Variants in ALPK3 observed in about 807,000 individuals in gnomAD.
ALPK3 encodes the protein alpha-protein kinase 3.
ALPK3 carries 102 observed loss-of-function variants against 140.0 expected under a neutral mutation model. That is an observed-to-expected ratio of 0.73 (90% CI 0.62 to 0.86). The LOEUF is 0.86. Among genes scored for constraint, ALPK3 ranks in the 40% least tolerant of loss-of-function variants. The probability of loss-of-function intolerance (pLI) is 0.00; values close to 1 mark genes in which losing one functional copy is unlikely to be tolerated. For synonymous variants in ALPK3, 938 were observed against 898.5 expected (o/e 1.04, Z -0.79); for missense variants, 2,254 against 2,208.2 (o/e 1.02, Z -0.42).
Position 84,839,080 on chromosome 15 carries a change from C to T in ALPK3, c.405C>T (p.His135=). 6.2e-7 allele frequency: 1 copy of T among 1,609,208 alleles called. No individual in the cohort carries two copies. The highest frequency in any genetic ancestry group is 8.5e-7 in the Non-Finnish European group (1 of 1,177,580). The change falls in exon 4 of 14, where the codon CAC becomes CAT. Residue 135 remains histidine, a synonymous_variant. Transcript: ENST00000258888. ...KYEITHQGNR[H]TLQLYRCREE... ...AGATCACTCATCAGGGCAACCGCCA[C>T]ACACTGCAGCTGTACAGGTGAGGGA... is the stretch of plus-strand genomic sequence containing the variant.
chr15:84,844,856 C>CA lies in ALPK3; in HGVS notation c.1653+3935dup, dbSNP rs984032572. ...TGGGCAACAGAGCGAGACTCCGTCT[C>CA]AAAAAAAAAAAGGTGGAAAAGACTT... On this transcript the variant is annotated intron_variant, in intron 5 of 13. Transcript: ENST00000258888. 9.4e-4 allele frequency among the ~76,000 whole-genome samples: 131 copies of CA among 139,662 alleles called. 1 individual carries two copies. The highest frequency in any genetic ancestry group is 2.9e-3 in the East Asian group (14 of 4,864). 91.6% of individuals were successfully genotyped at this position (139,662 alleles called of 152,430 possible).
At chr15:84,851,588 C>A (rs1963803011) in intron 5 of ALPK3, among the ~76,000 whole-genome samples, 1 of 152,194 alleles carries the variant, frequency 6.6e-6, no homozygotes, top group African/African-American at 2.4e-5. Flanking sequence ...GTTCTTTGGG[C>A]ATCCTTCCAG....
intron 6 of ALPK3, among the ~76,000 whole-genome samples, 198 bp downstream of exon 6, chr15:84,858,753 G>A (rs1176485801): frequency 6.6e-6 from 1 of 152,228 alleles, no homozygotes; most frequent in Non-Finnish European, 1.5e-5. Context: ...CCACAGAGTG[G>A]AGATAACAGT....
rs1364348923 is a variant in ALPK3 at position 84,840,596 on chromosome 15, CCG to C, written c.1318_1319del (p.Arg440GlyfsTer15). 6.4e-7 allele frequency: 1 copy of C among 1,564,888 alleles called. No individual in the cohort carries two copies. The highest frequency in any genetic ancestry group is 8.6e-7 in the Non-Finnish European group (1 of 1,158,586). On this transcript the variant is annotated frameshift_variant, in exon 5 of 14. Transcript: ENST00000258888. LOFTEE classifies it high-confidence loss of function. ...GEEGPQTLSV[R>X]APGESPKGKA... The stretch of plus-strand genomic sequence containing the variant: ...AAGAGGGACCCCAGACCCTGAGTGT[CCG>C]GGCGCCTGGGGAGAGTCCCAAGGGG...
At chr15:84,848,388 T>C (rs916266535) in intron 5 of ALPK3, among the ~76,000 whole-genome samples, 1 of 152,098 alleles carries the variant, frequency 6.6e-6, no homozygotes. Context: ...TGGTAAAATA[T>C]TGACTCTAAG....
intron 9 of ALPK3, among the ~76,000 whole-genome samples, chr15:84,861,197 T>G (rs573402686): frequency 6.6e-6 from 1 of 152,352 alleles, no homozygotes; most frequent in South Asian, 2.1e-4. Flanking sequence ...TATTTAACAG[T>G]TCCTCCTACT....
At chr15:84,826,272 A>G (rs920384288) in intron 2 of ALPK3, among the ~76,000 whole-genome samples, 4 of 152,168 alleles carry the variant, frequency 2.6e-5, no homozygotes, top group Non-Finnish European at 1.5e-5. Flanking sequence ...TTCTGCTTCC[A>G]CAGACTCTCT....
At position 84,827,665 on chromosome 15, in the gene ALPK3, G is replaced by T. The variant is rs535942669; in HGVS notation, c.304+60G>T. The T allele has an allele frequency of 7.3e-5, 116 of 1,596,704 alleles. No individual in the cohort carries two copies. The African/African-American group carries it at 1.5e-3, about 20-fold the overall frequency. On this transcript the variant is annotated intron_variant, in intron 3 of 13. Transcript: ENST00000258888. ...CTCTGCACAGAGCAGGGTCCAAGGAGGCTGTGAGGACAGGAATGGTGGGGT... is the reference window on the plus strand; with the variant it reads ...CTCTGCACAGAGCAGGGTCCAAGGATGCTGTGAGGACAGGAATGGTGGGGT...
In ALPK3 at chr15:84,856,398, G is replaced by C. The variant is rs1183833409; in HGVS notation, c.1660G>C (p.Glu554Gln). The change falls in exon 6 of 14, where the codon GAA becomes CAA. Residue 554 changes from glutamate to glutamine, a missense_variant. Glu to Gln is a conservative substitution (Grantham distance 29). Coordinates refer to ENST00000258888, the MANE Select transcript of ALPK3 (RefSeq NM_020778.5). ...AGHRTPGEVL[E>Q]CQTTTAPTMS... ...TTTGTCCCTCTGTTTTCAGGTCCTG[G>C]AATGCCAGACAACCACGGCTCCTAC... The C allele has an allele frequency of 6.3e-7, 1 of 1,593,764 alleles. No homozygotes were observed. The highest frequency in any genetic ancestry group is 8.5e-7 in the Non-Finnish European group (1 of 1,171,844).
chr15:84,859,354 C>T lies in ALPK3; in HGVS notation c.3929C>T (p.Ala1310Val). The change falls in exon 7 of 14, where the codon GCC becomes GTC. Residue 1310 changes from alanine to valine, a missense_variant. By Grantham distance (64) the Ala-to-Val change is moderately conservative. Coordinates refer to ENST00000258888, the MANE Select transcript of ALPK3 (RefSeq NM_020778.5). ...NILSDSVLTW[A>V]KDQRPVGEVG... The stretch of plus-strand genomic sequence containing the variant: ...CTTAGTGACTCAGTCTTGACATGGG[C>T]CAAGGATCAGCGCCCAGTGGGCGAG... 6.2e-7 allele frequency: 1 copy of T among 1,614,156 alleles called. No individual in the cohort carries two copies. Among genetic ancestry groups the T allele is most frequent in the Non-Finnish European group, 8.5e-7 (1 of 1,180,022 alleles).
rs763424460 is a variant in ALPK3 at position 84,863,649 on chromosome 15, G to T, written c.4499+9G>T. 2.5e-6 allele frequency: 4 copies of T among 1,613,032 alleles called. No individual in the cohort carries two copies. Among genetic ancestry groups the T allele is most frequent in the Non-Finnish European group, 3.4e-6 (4 of 1,179,512 alleles). On this transcript the variant is annotated intron_variant, in intron 11 of 13. Transcript: ENST00000258888. ...TTTGGGGAGGTGCCTGAGTAAGTAC[G>T]CAGCGAGGAGGACGTGCAGTGTGCA...
Position 84,840,329 on chromosome 15 carries a change from C to T in ALPK3, c.1050C>T (p.Asp350=), listed in dbSNP as rs771019220. The change falls in exon 5 of 14, where the codon GAC becomes GAT. Residue 350 remains aspartate (D), a synonymous_variant. Coordinates refer to ENST00000258888, the MANE Select transcript of ALPK3 (RefSeq NM_020778.5). Reference sequence around the variant, plus strand: ...CAGAAAACTGCATCCCCAGCTCAGACGAGCCTGACTCCTGTGGGACTCAGG... The same window carrying T: ...CAGAAAACTGCATCCCCAGCTCAGATGAGCCTGACTCCTGTGGGACTCAGG... ...RSSENCIPSS[D]EPDSCGTQGP... is the part of the protein sequence containing the mutation. The T allele has an allele frequency of 3.1e-6, 5 of 1,613,966 alleles. No homozygotes were observed. The highest frequency in any genetic ancestry group is 1.1e-5 in the South Asian group (1 of 91,048).
rs1426327260 is a variant in ALPK3, at chr15:84,858,167, C to T, written c.3429C>T (p.Phe1143=). 2.5e-6 allele frequency: 4 copies of T among 1,611,246 alleles called. No individual in the cohort carries two copies. The highest frequency in any genetic ancestry group is 3.4e-6 in the Non-Finnish European group (4 of 1,178,886). The change falls in exon 6 of 14, where the codon TTC becomes TTT. Residue 1143 remains phenylalanine (F), a synonymous_variant. Transcript: ENST00000258888. The stretch of plus-strand genomic sequence containing the variant: ...AGGAGCCCTCCCAAGAGGAGAAGTT[C>T]CCAGGGGAGGCTCTGACAGGTCTCC... ...IAQEPSQEEK[F]PGEALTGLPA...
At position 84,857,631 on chromosome 15, in the gene ALPK3, C is replaced by A; in HGVS notation, c.2893C>A (p.Leu965Ile). The A allele has an allele frequency of 6.3e-7, 1 of 1,585,660 alleles. No homozygotes were observed. Among genetic ancestry groups the A allele is most frequent in the South Asian group, 1.1e-5 (1 of 88,048 alleles). ...CATAGATTCCCTGAAGAACTACCTG[C>A]TTCTGCTGCTGAAGCTGTCCAGCAC... Reference protein sequence around the residue: ...GLIDSLKNYLLLLLKLSSTET... With the variant: ...GLIDSLKNYLILLLKLSSTET... The change falls in exon 6 of 14, where the codon CTT (leucine) becomes ATT (isoleucine). Residue 965 changes from leucine (L) to isoleucine (I), a missense_variant. This residue lies in a region of ALPK3 where 2,088 missense variants were observed against 2,022.9 expected (regional missense o/e 1.03). Coordinates refer to ENST00000258888, the MANE Select transcript of ALPK3 (RefSeq NM_020778.5).
At chr15:84,818,608 A>G (rs1268184979) in intron 1 of ALPK3, among the ~76,000 whole-genome samples, 1 of 152,178 alleles carries the variant, frequency 6.6e-6, no homozygotes, top group African/African-American at 2.4e-5. Flanking sequence ...CATTCCTAAA[A>G]CAGCATAAAA....
Position 84,868,614 on chromosome 15 carries a change from T to C in ALPK3, c.*158T>C, listed in dbSNP as rs1964032113. 4.1e-6 allele frequency: 3 copies of C among 729,906 alleles called. No homozygotes were observed. The South Asian group carries it at 5.8e-5, about 14-fold the overall frequency. 45.2% of individuals were successfully genotyped at this position (729,906 alleles called of 1,614,324 possible). ...GAGCAGGCTCTCGTGAATCAGCTCG[T>C]CATCAGATGGCTTTGGTGCATGGCA... On this transcript the variant is annotated 3_prime_UTR_variant, in exon 14 of 14. Coordinates refer to ENST00000258888, the MANE Select transcript of ALPK3 (RefSeq NM_020778.5).
rs568945727 is a variant in ALPK3 at position 84,854,429 on chromosome 15, A to G, written c.1654-1963A>G. ...AGCCTCAGAGTAGCTAAGATTACAG[A>G]TGCGCACCACCACGCCTGGCTAATT... On this transcript the variant is annotated intron_variant, in intron 5 of 13. Transcript: ENST00000258888. Among the ~76,000 whole-genome samples, 5 of 152,114 alleles carry G rather than the reference A, an allele frequency of 3.3e-5. 1 individual carries two copies. Among genetic ancestry groups the G allele is most frequent in the African/African-American group, 1.2e-4 (5 of 41,498 alleles).
In ALPK3 at chr15:84,840,494, A is replaced by C; in HGVS notation, c.1215A>C (p.Pro405=). Reference sequence around the variant, plus strand: ...ACAAGGCCCAGAAGGCCCCTGGCCCAGGCCCAGGCCAGGAAGTGTATTTCT... The same window carrying C: ...ACAAGGCCCAGAAGGCCCCTGGCCCCGGCCCAGGCCAGGAAGTGTATTTCT... The part of the protein sequence containing the change: ...TPDKAQKAPG[P]GPGQEVYFSL... The change falls in exon 5 of 14, where the codon CCA becomes CCC. Residue 405 remains proline (P), a synonymous_variant. Transcript: ENST00000258888. 6.2e-7 allele frequency: 1 copy of C among 1,613,086 alleles called. No homozygotes were observed. The highest frequency in any genetic ancestry group is 8.5e-7 in the Non-Finnish European group (1 of 1,179,712).
At chr15:84,825,237 C>T (rs1249870247) in intron 2 of ALPK3, among the ~76,000 whole-genome samples, 2 of 151,504 alleles carry the variant, frequency 1.3e-5, no homozygotes, top group South Asian at 2.1e-4. Context: ...AGTGCAGTGG[C>T]GTGATCTCGG....
Sources: allele counts gnomAD v4.1 joint callset (sites outside exome capture counted in the v4.1 genomes callset), GRCh38; gene constraint gnomAD v4.1.1; regional missense constraint gnomAD v4.1.1; transcripts MANE v1.5; gene names NCBI Gene and HGNC (gene_info 2026-07-23, HGNC 2026-07-21).